PIK3CA: variants seen among roughly 807,000 people sequenced by gnomAD.
PIK3CA encodes phosphatidylinositol-4,5-bisphosphate 3-kinase catalytic subunit alpha.
PIK3CA carries 27 observed loss-of-function variants against 138.2 expected under a neutral mutation model. The observed-to-expected ratio is 0.20, with a 90% confidence interval of 0.14 to 0.27. The LOEUF (loss-of-function observed/expected upper bound fraction) is 0.27, where lower values mean the gene tolerates loss of function less well. Ranked by LOEUF, PIK3CA falls within the 10% of genes least tolerant of loss-of-function variation. The pLI is 1.00. For synonymous variants in PIK3CA, 358 were observed against 413.2 expected (o/e 0.87, Z 1.62); for missense variants, 544 against 1,277.4 (o/e 0.43, Z 8.75).
In PIK3CA at chr3:179,237,953, C is replaced by T. The variant is rs1411557320; in HGVS notation, c.*3589C>T. The T allele has an allele frequency of 4.7e-6, 1 of 213,334 alleles. No homozygotes were observed. The highest frequency in any genetic ancestry group is 9.5e-6 in the Non-Finnish European group (1 of 105,510). 13.2% of individuals were successfully genotyped at this position (213,334 alleles called of 1,614,324 possible). On this transcript the variant is annotated 3_prime_UTR_variant, in exon 21 of 21. Coordinates refer to ENST00000263967, the MANE Select transcript of PIK3CA (RefSeq NM_006218.4). ...AATTATTTTGATGTCCAAGACATCA[C>T]TAAAATATTTAAGTTTAAAGATAAT...
intron 1 of PIK3CA, among the ~76,000 whole-genome samples, chr3:179,170,072 GCGCGCACACACA>G: frequency 1.1e-5 from 1 of 88,280 alleles, no homozygotes; most frequent in East Asian, 4.4e-4. Context: ...GCACACGCGC[GCGCGCACACACA>G]CACACACACA....
At chr3:179,156,776 A>G (rs890445856) in intron 1 of PIK3CA, among the ~76,000 whole-genome samples, 5 of 152,210 alleles carry the variant, frequency 3.3e-5, no homozygotes, top group African/African-American at 1.2e-4. Context: ...CAAGCTAAGC[A>G]TATTTCTGCA....
chr3:179,162,075 GT>G (rs1723297634), intron 1 of PIK3CA, among the ~76,000 whole-genome samples: 1 of 151,900 alleles, frequency 6.6e-6, no homozygotes, highest in Non-Finnish European at 1.5e-5. Flanking sequence ...AATGTATATA[GT>G]TTTTATATAT....
chr3:179,180,923 C>T (rs1451100914), intron 1 of PIK3CA, among the ~76,000 whole-genome samples: 4 of 152,010 alleles, frequency 2.6e-5, no homozygotes, highest in Admixed American at 2.6e-4. Context: ...TATGGATATA[C>T]ATATCCATGT....
chr3:179,236,563 C>G lies in PIK3CA; in HGVS notation c.*2199C>G, dbSNP rs1029423105. 1 of 224,348 alleles carries G rather than the reference C, an allele frequency of 4.5e-6. No individual in the cohort carries two copies. Among genetic ancestry groups the G allele is most frequent in the African/African-American group, 2.2e-5 (1 of 44,716 alleles). 13.9% of individuals were successfully genotyped at this position (224,348 alleles called of 1,614,324 possible). On this transcript the variant is annotated 3_prime_UTR_variant, in exon 21 of 21. Transcript: ENST00000263967. ...AGAGAACTGTGTTTTACCCGAGTGC[C>G]AAAAATGCTGTGAGCCTCCTTGCAC...
rs761598530 is a variant in PIK3CA at position 179,224,479 on chromosome 3, CT to C, written c.2295-220del. Among the ~76,000 whole-genome samples the C allele has an allele frequency of 0.24, 36,090 of 151,566 alleles. 4,953 individuals carry two copies. The highest frequency in any genetic ancestry group is 0.38 in the African/African-American group (15,774 of 41,232). On this transcript the variant is annotated intron_variant, in intron 15 of 20. Transcript: ENST00000263967. ...TATCTGTAAAACTAATGATATATCT[CT>C]ATATATTTGTTGGAAATTCATATGC... is the stretch of plus-strand genomic sequence containing the variant.
intron 1 of PIK3CA, among the ~76,000 whole-genome samples, chr3:179,195,950 T>C (rs1272594956): frequency 6.6e-6 from 1 of 152,194 alleles, no homozygotes; most frequent in African/African-American, 2.4e-5. Context: ...AAGCTGTCAT[T>C]CTGTCTACCA....
chr3:179,214,112 C>T (rs1320202005), intron 9 of PIK3CA, among the ~76,000 whole-genome samples: 1 of 152,198 alleles, frequency 6.6e-6, no homozygotes, highest in Non-Finnish European at 1.5e-5. Context: ...TTCTCCATTT[C>T]AGCATTAAGG....
chr3:179,203,412 T>A, intron 4 of PIK3CA, 132 bp from the exon 5 acceptor site: 1 of 686,620 alleles, frequency 1.5e-6, no homozygotes, highest in Non-Finnish European at 2.3e-6. Context: ...TAGGAACTAC[T>A]AGTAAATGTG....
intron 17 of PIK3CA, 44 bp downstream of exon 17, chr3:179,226,084 A>G: frequency 9.5e-7 from 1 of 1,050,292 alleles, no homozygotes; most frequent in Admixed American, 1.7e-5. Context: ...AGTTATCCTG[A>G]AAAAGTGAAC....
At chr3:179,226,483 C>T (rs2108420077) in intron 17 of PIK3CA, among the ~76,000 whole-genome samples, 1 of 152,216 alleles carries the variant, frequency 6.6e-6, no homozygotes, top group South Asian at 2.1e-4. Context: ...ACCCAACTTT[C>T]CACAATATCA....
chr3:179,217,690 T>A (rs1042971598), intron 9 of PIK3CA, among the ~76,000 whole-genome samples: 10 of 152,090 alleles, frequency 6.6e-5, no homozygotes, highest in African/African-American at 1.9e-4. Context: ...ATATTCAGGA[T>A]ACAGTGTTTT....
intron 1 of PIK3CA, among the ~76,000 whole-genome samples, chr3:179,159,572 A>G (rs1004493599): frequency 6.6e-6 from 1 of 152,218 alleles, no homozygotes; most frequent in African/African-American, 2.4e-5. Flanking sequence ...TTCCATGATT[A>G]GGAAAATGAA....
At chr3:179,213,514 G>A (rs1724768477) in intron 9 of PIK3CA, among the ~76,000 whole-genome samples, 2 of 152,258 alleles carry the variant, frequency 1.3e-5, no homozygotes, top group Non-Finnish European at 2.9e-5. Context: ...GGTGGTTGCT[G>A]AAGTAACGTT....
Position 179,238,549 on chromosome 3 carries a change from G to C in PIK3CA, c.*4185G>C, listed in dbSNP as rs182417515. ...ATACTTCAAGCTCAGAAACTGTGCA[G>C]ATCACTGAATTTTAGATTTATAAAG... On this transcript the variant is annotated 3_prime_UTR_variant, in exon 21 of 21. Transcript: ENST00000263967. 4.6e-6 allele frequency: 1 copy of C among 219,280 alleles called. No homozygotes were observed. The highest frequency in any genetic ancestry group is 2.2e-5 in the African/African-American group (1 of 44,610). The allele number at this position is 219,280 out of a possible 1,614,324, so 13.6% of individuals were successfully genotyped here.
At position 179,234,238 on chromosome 3, in the gene PIK3CA, C is replaced by G. The variant is rs745464581; in HGVS notation, c.3081C>G (p.Ala1027=). The change falls in exon 21 of 21, where the codon GCC becomes GCG. Residue 1027 remains alanine (A), a synonymous_variant. Transcript: ENST00000263967. The surrounding 1 kb of genome is among the most constrained non-coding windows in gnomAD (Gnocchi z 5.1). ...DDIAYIRKTL[A]LDKTEQEALE... is the part of the protein sequence containing the mutation. Reference sequence around the variant, plus strand: ...TTGCATACATTCGAAAGACCCTAGCCTTAGATAAAACTGAGCAAGAGGCTT... The same window carrying G: ...TTGCATACATTCGAAAGACCCTAGCGTTAGATAAAACTGAGCAAGAGGCTT... The G allele has an allele frequency of 6.8e-6, 11 of 1,613,714 alleles. No individual in the cohort carries two copies. Among genetic ancestry groups the G allele is most frequent in the African/African-American group, 1.3e-5 (1 of 75,002 alleles).
chr3:179,223,236 CTTAT>C (rs1419477362), intron 14 of PIK3CA, among the ~76,000 whole-genome samples: 2 of 152,142 alleles, frequency 1.3e-5, no homozygotes, highest in Non-Finnish European at 2.9e-5. Context: ...AAGAAAAAAA[CTTAT>C]TTAAATTCCA....
At chr3:179,163,073 G>C (rs1005087393) in intron 1 of PIK3CA, among the ~76,000 whole-genome samples, 6 of 152,094 alleles carry the variant, frequency 3.9e-5, no homozygotes, top group East Asian at 1.9e-4. Context: ...AAAGGGAATA[G>C]AGATCCCAGA....
Position 179,230,152 on chromosome 3 carries a change from G to T in PIK3CA, c.2784+31G>T, listed in dbSNP as rs2108424556. 1 of 1,571,896 alleles carries T rather than the reference G, an allele frequency of 6.4e-7. No homozygotes were observed. The highest frequency in any genetic ancestry group is 1.7e-5 in the Admixed American group (1 of 59,670). On this transcript the variant is annotated intron_variant, in intron 19 of 20. Transcript: ENST00000263967. The surrounding 1 kb of genome is among the most constrained non-coding windows in gnomAD (Gnocchi z 5.4). Reference sequence around the variant, plus strand: ...GGTTTTCTCTGTTTAAAATGTTTTGGTGTTCTTAATTTATTCAAGACATTT... The same window carrying T: ...GGTTTTCTCTGTTTAAAATGTTTTGTTGTTCTTAATTTATTCAAGACATTT...
Sources: gnomAD v4.1 joint callset for allele counts (sites outside exome capture counted in the v4.1 genomes callset) on GRCh38, gnomAD v4.1.1 for gene constraint, Gnocchi (gnomAD v3.1) non-coding constraint, MANE v1.5 for transcripts, NCBI Gene and HGNC (gene_info 2026-07-23, HGNC 2026-07-21) for gene names.